NKTR: variants seen among roughly 807,000 people sequenced by gnomAD.
NKTR encodes natural killer cell triggering receptor, also known as NK-tumor recognition protein.
Under a neutral mutation model 156.3 loss-of-function variants are expected in NKTR, and 67 were observed. The ratio of observed to expected loss-of-function variants is 0.43; its 90% CI spans 0.35 to 0.53. The LOEUF (loss-of-function observed/expected upper bound fraction) is 0.53. Ranked by LOEUF, NKTR falls within the 20% of genes least tolerant of loss-of-function variation. The pLI, the probability that NKTR is intolerant of heterozygous loss-of-function variation, is 0.01. For synonymous variants in NKTR, 640 were observed against 596.6 expected, an observed-to-expected ratio of 1.07 and a Z score of -1.06; for missense variants, 1,604 against 1,730.9, an observed-to-expected ratio of 0.93 and a Z score of 1.30.
At chr3:42,619,224 T>A (rs1183526807) in intron 4 of NKTR, 97 bp downstream of exon 4, 2 of 1,537,450 alleles carry the variant, frequency 1.3e-6, no homozygotes, top group Non-Finnish European at 1.7e-6. Context: ...AGTTACAGTA[T>A]GATATAAAAT....
rs2125831015 is a variant in NKTR, at chr3:42,646,695, G to A, written c.*720G>A. ...TAATCAATACCGATCAGAAGTTTAG[G>A]TTATAAAAACAATTCTACTTCATGC... is the stretch of plus-strand genomic sequence containing the variant. On this transcript the variant is annotated 3_prime_UTR_variant, in exon 17 of 17. Coordinates refer to ENST00000232978, the MANE Select transcript of NKTR (RefSeq NM_005385.4). 1 of 152,660 alleles carries A rather than the reference G, an allele frequency of 6.6e-6. No individual in the cohort carries two copies. Among genetic ancestry groups the A allele is most frequent in the South Asian group, 2.1e-4 (1 of 4,834 alleles). 9.5% of individuals were successfully genotyped at this position (152,660 alleles called of 1,614,324 possible). A position where few individuals can be genotyped will look rare whatever the true frequency, so the allele number is the denominator to read the frequency against.
intron 2 of NKTR, chr3:42,612,269 A>C (rs1354050107): frequency 6.6e-6 from 1 of 152,132 alleles, no homozygotes; most frequent in East Asian, 1.9e-4. Context: ...AAAAATACAC[A>C]GAAAATTAAT....
intron 2 of NKTR, among the ~76,000 whole-genome samples, chr3:42,608,915 C>T (rs1366968463): frequency 6.6e-6 from 1 of 152,142 alleles, no homozygotes; most frequent in Non-Finnish European, 1.5e-5. Flanking sequence ...CACTTGAGGT[C>T]AGGAGTTCCA....
At chr3:42,645,464 C>T (rs547574674) in intron 16 of NKTR, among the ~76,000 whole-genome samples, 1 of 152,182 alleles carries the variant, frequency 6.6e-6, no homozygotes, top group South Asian at 2.1e-4. Flanking sequence ...GCAGGTGGAT[C>T]GTCTGAGGTC....
intron 12 of NKTR, 184 bp downstream of exon 12, chr3:42,635,550 A>G: frequency 2.2e-6 from 1 of 448,378 alleles, no homozygotes. Flanking sequence ...GGGCTTTTAA[A>G]TCAAAATCCT....
At chr3:42,629,259 A>G (rs1708681979) in intron 6 of NKTR, 7 of 975,730 alleles carry the variant, frequency 7.2e-6, no homozygotes, top group Middle Eastern at 5.3e-4. Flanking sequence ...TTATAATTAC[A>G]TTGGCATGAA....
In NKTR at chr3:42,638,192, C is replaced by A; in HGVS notation, c.2488C>A (p.Gln830Lys). 1 of 1,612,766 alleles carries A rather than the reference C, an allele frequency of 6.2e-7. No homozygotes were observed. The highest frequency in any genetic ancestry group is 8.5e-7 in the Non-Finnish European group (1 of 1,179,736). ...AGCCCAGGAAAAAGAGAAGCAGGGCCAAATGGAAAGAACACATAATAAACA... is the reference window on the plus strand; with the variant it reads ...AGCCCAGGAAAAAGAGAAGCAGGGCAAAATGGAAAGAACACATAATAAACA... ...QSAQEKEKQG[Q>K]MERTHNKQEK... The change falls in exon 13 of 17, where the codon CAA becomes AAA. Residue 830 changes from glutamine (Q) to lysine (K), a missense_variant. Transcript: ENST00000232978.
chr3:42,640,643 C>T (rs913173082), intron 13 of NKTR, among the ~76,000 whole-genome samples: 11 of 152,214 alleles, frequency 7.2e-5, no homozygotes, highest in Non-Finnish European at 1.6e-4. Flanking sequence ...TATACTCGGT[C>T]TCCCATTTTC....
chr3:42,638,189 G>A lies in NKTR; in HGVS notation c.2485G>A (p.Gly829Ser), dbSNP rs1378996642. The change falls in exon 13 of 17, where the codon GGC (glycine) becomes AGC (serine). Residue 829 changes from glycine to serine, a missense_variant. Physicochemically the swap from Gly to Ser is moderately conservative, Grantham distance 56. Coordinates refer to ENST00000232978, the MANE Select transcript of NKTR (RefSeq NM_005385.4). The part of the protein sequence containing the change: ...TQSAQEKEKQ[G>S]QMERTHNKQE... ...GTCAGCCCAGGAAAAAGAGAAGCAG[G>A]GCCAAATGGAAAGAACACATAATAA... 1 of 1,612,516 alleles carries A rather than the reference G, an allele frequency of 6.2e-7. No homozygotes were observed. Among genetic ancestry groups the A allele is most frequent in the Non-Finnish European group, 8.5e-7 (1 of 1,179,690 alleles).
intron 2 of NKTR, chr3:42,601,320 G>T (rs1379262126): frequency 1.2e-5 from 4 of 345,998 alleles, no homozygotes; most frequent in Non-Finnish European, 2.1e-5. Context: ...TAGCCAGCCT[G>T]GCGCCAAGAA....
chr3:42,607,853 A>G (rs553271214), intron 2 of NKTR, among the ~76,000 whole-genome samples: 44 of 152,138 alleles, frequency 2.9e-4, no homozygotes, highest in Middle Eastern at 3.4e-3. Flanking sequence ...CAACAATTCA[A>G]TTTGATTCTG....
rs758740391 is a variant in NKTR at position 42,634,746 on chromosome 3, A to T, written c.1017+46A>T. 9.7e-5 allele frequency: 97 copies of T among 994,956 alleles called. No homozygotes were observed. In the South Asian group the frequency reaches 1.1e-3, roughly 11 times the overall value. The allele number at this position is 994,956 out of a possible 1,614,324, so 61.6% of individuals were successfully genotyped here. On this transcript the variant is annotated intron_variant, in intron 11 of 16. Transcript: ENST00000232978. The stretch of plus-strand genomic sequence containing the variant: ...TTTGATATTATGTATCTAATAAAAA[A>T]TTTTTACCTATTTTCAAAGTCCTAG...
At chr3:42,607,125 T>G (rs2125761689) in intron 2 of NKTR, among the ~76,000 whole-genome samples, 1 of 152,324 alleles carries the variant, frequency 6.6e-6, no homozygotes, top group Non-Finnish European at 1.5e-5. Context: ...TATAAAAGTT[T>G]TGCTTTTCTG....
At chr3:42,630,694 A>C (rs1708815134) in intron 7 of NKTR, 119 bp downstream of exon 7, 1 of 1,516,656 alleles carries the variant, frequency 6.6e-7, no homozygotes, top group African/African-American at 1.4e-5. Context: ...ATCTCATAGC[A>C]AAAGCTATTC....
intron 15 of NKTR, 86 bp downstream of exon 15, chr3:42,643,481 TG>T: frequency 9.1e-7 from 1 of 1,103,556 alleles, no homozygotes; most frequent in African/African-American, 1.5e-5. Context: ...GGTATTTTAT[TG>T]AGTAACTAAA....
At chr3:42,608,020 C>CTTTTTTTTTTTTTTTT (rs1188107179) in intron 2 of NKTR, among the ~76,000 whole-genome samples, 7 of 79,976 alleles carry the variant, frequency 8.8e-5, no homozygotes, top group Non-Finnish European at 1.9e-4. Flanking sequence ...TTTGAGTTTC[C>CTTTTTTTTTTTTTTTT]TTCTTGTCAC....
At chr3:42,632,314 GCTCAC>G (rs1708992326) in intron 8 of NKTR, among the ~76,000 whole-genome samples, 1 of 151,710 alleles carries the variant, frequency 6.6e-6, no homozygotes, top group Non-Finnish European at 1.5e-5. Flanking sequence ...CAAGTGATTT[GCTCAC>G]CTTGGCCTCC....
At chr3:42,632,058 A>G (rs1223267050) in intron 8 of NKTR, among the ~76,000 whole-genome samples, 5 of 131,328 alleles carry the variant, frequency 3.8e-5, no homozygotes, top group African/African-American at 8.9e-5. Context: ...ATATTATGCA[A>G]TTCTTTTTTT....
intron 6 of NKTR, among the ~76,000 whole-genome samples, chr3:42,626,294 T>G (rs1025840955): frequency 6.6e-6 from 1 of 152,132 alleles, no homozygotes; most frequent in Non-Finnish European, 1.5e-5. Flanking sequence ...TTTCAAGATT[T>G]ATTACATTCA....
Sources: gnomAD v4.1 joint callset for allele counts (sites outside exome capture counted in the v4.1 genomes callset) on GRCh38, gnomAD v4.1.1 for gene constraint, MANE v1.5 for transcripts, NCBI Gene and HGNC (gene_info 2026-07-23, HGNC 2026-07-21) for gene names.